The following ITPKB variants were observed in gnomAD, a reference collection of about 807,000 sequenced individuals.
ITPKB encodes inositol-trisphosphate 3-kinase B.
A neutral mutation model predicts 69.4 loss-of-function variants in ITPKB; 13 were observed. The observed-to-expected ratio is 0.19, with a 90% confidence interval of 0.12 to 0.30. ITPKB has a LOEUF of 0.30. Among genes scored for constraint, ITPKB ranks in the 10% least tolerant of loss-of-function variants. ITPKB has a pLI of 1.00. For missense variants in ITPKB, 1,240 were observed against 1,250.5 expected, an observed-to-expected ratio of 0.99 and a Z score of 0.13; for synonymous variants, 584 against 513.7, an observed-to-expected ratio of 1.14 and a Z score of -1.85.
At chr1:226,735,400 G>T in intron 2 of ITPKB, 127 bp downstream of exon 2, 2 of 1,057,038 alleles carry the variant, frequency 1.9e-6, no homozygotes, top group Non-Finnish European at 2.6e-6. Flanking sequence ...TATTCACTGT[G>T]ACTGTCCCAG....
intron 3 of ITPKB, among the ~76,000 whole-genome samples, chr1:226,648,139 C>G (rs1669101267): frequency 6.6e-6 from 1 of 152,232 alleles, no homozygotes; most frequent in South Asian, 2.1e-4. Flanking sequence ...CCACCTTCCT[C>G]CCAACACCGC....
chr1:226,714,673 T>C (rs1050580626), intron 2 of ITPKB, among the ~76,000 whole-genome samples: 1 of 152,220 alleles, frequency 6.6e-6, no homozygotes, highest in Admixed American at 6.5e-5. Context: ...AAAATTCAAC[T>C]CCAATGGCAC....
intron 2 of ITPKB, among the ~76,000 whole-genome samples, chr1:226,681,800 C>G (rs1338290005): frequency 6.6e-6 from 1 of 152,138 alleles, no homozygotes; most frequent in African/African-American, 2.4e-5. Context: ...AACAAAATTT[C>G]CAACTCTCCA....
Position 226,737,096 on chromosome 1 carries a change from C to A in ITPKB, c.363G>T (p.Pro121=), listed in dbSNP as rs757480336. 1.6e-5 allele frequency: 26 copies of A among 1,607,982 alleles called. No individual in the cohort carries two copies. The highest frequency in any genetic ancestry group is 6.6e-5 in the South Asian group (6 of 91,082). ...TCCTCTTGGCCTCCTCCGGCCCTGG[C>A]GGGGAGAGGGTACCGGCTGCCACCA... The part of the protein sequence containing the change: ...QQVVAAGTLS[P]PGPEEAKRKL... Residue 121 remains proline, a synonymous_variant, in exon 2 of 8, where the codon CCG becomes CCT. Transcript: ENST00000429204.
intron 2 of ITPKB, among the ~76,000 whole-genome samples, chr1:226,701,387 G>A (rs1029206890): frequency 1.3e-5 from 2 of 151,650 alleles, no homozygotes; most frequent in Non-Finnish European, 2.9e-5. Context: ...GGCGGATCAC[G>A]AGGTCAGGAG....
At chr1:226,684,631 C>A (rs1558084845) in intron 2 of ITPKB, among the ~76,000 whole-genome samples, 1 of 152,194 alleles carries the variant, frequency 6.6e-6, no homozygotes, top group Non-Finnish European at 1.5e-5. Flanking sequence ...TGAACCAGCT[C>A]TGGGAAAGGT....
intron 4 of ITPKB, among the ~76,000 whole-genome samples, chr1:226,645,752 CAT>C (rs1270697011): frequency 6.6e-6 from 1 of 152,158 alleles, no homozygotes; most frequent in African/African-American, 2.4e-5. Context: ...TGGCTGGGGG[CAT>C]GTTCTTTCTC....
At chr1:226,727,601 G>A (rs987998666) in intron 2 of ITPKB, among the ~76,000 whole-genome samples, 8 of 152,042 alleles carry the variant, frequency 5.3e-5, no homozygotes, top group Admixed American at 2.0e-4. Flanking sequence ...CAGTTTATTC[G>A]TTCTCCTTTA....
chr1:226,718,226 G>A (rs12039242), intron 2 of ITPKB, among the ~76,000 whole-genome samples: 22,970 of 150,604 alleles, frequency 0.15, 1,887 homozygotes, highest in East Asian at 0.3. Flanking sequence ...ACCAGGAGGC[G>A]GAGCTTGCAG....
At chr1:226,650,893 A>G (rs892521229) in intron 2 of ITPKB, among the ~76,000 whole-genome samples, 5 of 152,038 alleles carry the variant, frequency 3.3e-5, no homozygotes, top group African/African-American at 1.2e-4. Context: ...ATGGATGGAC[A>G]CTCTAGGGCC....
intron 2 of ITPKB, among the ~76,000 whole-genome samples, chr1:226,729,777 A>G (rs959300351): frequency 7.9e-5 from 12 of 151,978 alleles, no homozygotes; most frequent in African/African-American, 2.9e-4. Flanking sequence ...TAGTATTTTT[A>G]GTAGACGAGG....
intron 5 of ITPKB, among the ~76,000 whole-genome samples, chr1:226,640,165 G>A (rs968228987): frequency 5.9e-5 from 9 of 152,120 alleles, no homozygotes; most frequent in East Asian, 1.9e-4. Flanking sequence ...CTTCTTTCAC[G>A]TTTTCTGAAA....
At position 226,649,393 on chromosome 1, in the gene ITPKB, TGA is replaced by T. The variant is rs573753147; in HGVS notation, c.1933-624_1933-623del. On this transcript the variant is annotated intron_variant, in intron 2 of 7. Transcript: ENST00000429204. ...GCATGTGATTGTGTGCATGTGTGCA[TGA>T]GTGTGTGTGCATGTGTGATATGTGC... 4.0e-3 allele frequency among the ~76,000 whole-genome samples: 574 copies of T among 144,052 alleles called. 1 individual carries two copies. The highest frequency in any genetic ancestry group is 0.014 in the African/African-American group (527 of 38,938). 94.5% of individuals were successfully genotyped at this position (144,052 alleles called of 152,430 possible). A position where few individuals can be genotyped will look rare whatever the true frequency, so the allele number is the denominator to read the frequency against.
chr1:226,668,360 G>C (rs768761715), intron 2 of ITPKB, among the ~76,000 whole-genome samples: 1 of 152,142 alleles, frequency 6.6e-6, no homozygotes, highest in African/African-American at 2.4e-5. Flanking sequence ...CACAGGATTC[G>C]GTATCAGTGG....
At chr1:226,650,324 C>T (rs1234865365) in intron 2 of ITPKB, among the ~76,000 whole-genome samples, 1 of 152,214 alleles carries the variant, frequency 6.6e-6, no homozygotes, top group East Asian at 1.9e-4. Context: ...ATCCCAGAAA[C>T]TCTCACCCCA....
chr1:226,682,447 T>C (rs1157632995), intron 2 of ITPKB, among the ~76,000 whole-genome samples: 1 of 152,096 alleles, frequency 6.6e-6, no homozygotes, highest in Non-Finnish European at 1.5e-5. Flanking sequence ...AAGCAGAAAT[T>C]TGAGTCCTAG....
intron 2 of ITPKB, among the ~76,000 whole-genome samples, chr1:226,691,449 C>T (rs1370559034): frequency 2.0e-5 from 3 of 152,070 alleles, no homozygotes; most frequent in South Asian, 2.1e-4. Flanking sequence ...ATTCTAAAAT[C>T]GGCCCCAGAA....
intron 4 of ITPKB, 89 bp downstream of exon 4, chr1:226,647,078 G>T: frequency 1.7e-6 from 2 of 1,171,428 alleles, no homozygotes; most frequent in Non-Finnish European, 1.3e-6. Context: ...CACCTGTGAG[G>T]CCTCCGGGAA....
intron 2 of ITPKB, among the ~76,000 whole-genome samples, chr1:226,700,064 G>A (rs534592061): frequency 2.0e-4 from 30 of 152,198 alleles, no homozygotes; most frequent in Non-Finnish European, 5.9e-5. Flanking sequence ...ATCTGCACTC[G>A]CAGCTAATTA....
Sources: allele counts gnomAD v4.1 joint callset (sites outside exome capture counted in the v4.1 genomes callset), GRCh38; gene constraint gnomAD v4.1.1; transcripts MANE v1.5; gene names NCBI Gene and HGNC (gene_info 2026-07-23, HGNC 2026-07-21).